Variants in LITAF observed in about 807,000 individuals in gnomAD.
The protein encoded by LITAF is lipopolysaccharide induced TNF factor, also known as lipopolysaccharide-induced tumor necrosis factor-alpha factor.
In LITAF, 9 loss-of-function variants were observed where a neutral mutation model predicts 14.5. That is an observed-to-expected ratio of 0.62 (90% CI 0.37 to 1.08). The LOEUF (loss-of-function observed/expected upper bound fraction) is 1.08, where lower values mean the gene tolerates loss of function less well. LITAF is among the 50% of genes least tolerant of loss of function. The pLI is 0.01. For synonymous variants in LITAF, 98 were observed against 88.2 expected (o/e 1.11, Z -0.62); for missense variants, 206 against 213.4 (o/e 0.97, Z 0.22).
upstream of LITAF, among the ~76,000 whole-genome samples, chr16:11,602,918 C>T (rs2064936295): frequency 6.6e-6 from 1 of 152,030 alleles, no homozygotes; most frequent in Non-Finnish European, 1.5e-5. Flanking sequence ...CCAGACCAGC[C>T]TGGGCAACCC....
upstream of LITAF, among the ~76,000 whole-genome samples, chr16:11,639,964 A>G (rs1422117957): frequency 3.3e-5 from 5 of 152,168 alleles, no homozygotes; most frequent in Non-Finnish European, 1.5e-5. Context: ...TCGCAGAGAC[A>G]TAGTTTCACT....
intron 1 of LITAF, among the ~76,000 whole-genome samples, chr16:11,581,266 C>T (rs1406991047): frequency 1.3e-5 from 2 of 152,212 alleles, no homozygotes; most frequent in East Asian, 3.8e-4. Context: ...TTCTCTCTCC[C>T]CTACATAGGC....
chr16:11,603,496 C>T (rs1370213349), upstream of LITAF, among the ~76,000 whole-genome samples: 3 of 152,198 alleles, frequency 2.0e-5, no homozygotes, highest in Admixed American at 6.5e-5. Flanking sequence ...GGAAACACGC[C>T]TTGAGATGTC....
upstream of LITAF, chr16:11,587,461 A>C (rs1246485016): frequency 2.2e-5 from 10 of 453,628 alleles, no homozygotes; most frequent in Non-Finnish European, 3.1e-5. Flanking sequence ...CATGTTACCC[A>C]TCCTCTCTGA....
intron 1 of LITAF, among the ~76,000 whole-genome samples, chr16:11,563,138 A>C (rs2064397536): frequency 7.1e-6 from 1 of 141,554 alleles, no homozygotes; most frequent in African/African-American, 2.5e-5. Context: ...CTACACAAAA[A>C]AATTATAATA....
chr16:11,602,012 G>C (rs8050288), upstream of LITAF, among the ~76,000 whole-genome samples: 4,877 of 152,240 alleles, frequency 0.032, 262 homozygotes, highest in African/African-American at 0.11. Context: ...CAATGCAAAT[G>C]ACTCCAGAAG....
chr16:11,581,018 T>C (rs2064724141), intron 1 of LITAF, among the ~76,000 whole-genome samples: 1 of 151,968 alleles, frequency 6.6e-6, no homozygotes, highest in South Asian at 2.1e-4. Flanking sequence ...TCCTGCCTTG[T>C]CCTCCCAGAG....
intron 1 of LITAF, among the ~76,000 whole-genome samples, chr16:11,596,754 AAGAAGGGAGAGG>A (rs1321363727): frequency 1.2e-5 from 1 of 85,942 alleles, no homozygotes; most frequent in Non-Finnish European, 2.2e-5. Flanking sequence ...GGAGGAAGAG[AAGAAGGGAGAGG>A]AGGAGGGGGA....
chr16:11,588,566 A>G (rs2064829735), upstream of LITAF, among the ~76,000 whole-genome samples: 1 of 143,056 alleles, frequency 7.0e-6, no homozygotes, highest in East Asian at 2.1e-4. Flanking sequence ...AAAGAAAGAA[A>G]GGGAAAAGAA....
At chr16:11,609,209 C>CTTT (rs1233293198) in intron 3 of LITAF, among the ~76,000 whole-genome samples, 1 of 139,236 alleles carries the variant, frequency 7.2e-6, no homozygotes, top group Non-Finnish European at 1.6e-5. Context: ...GAATAGTAGA[C>CTTT]TTTTTTTTTT....
At chr16:11,571,719 G>C (rs2064543798) in intron 1 of LITAF, among the ~76,000 whole-genome samples, 1 of 152,162 alleles carries the variant, frequency 6.6e-6, no homozygotes, top group Non-Finnish European at 1.5e-5. Context: ...TGGGCCCTGT[G>C]GTCTCTGGGA....
chr16:11,572,799 A>G (rs1029557861), intron 1 of LITAF, among the ~76,000 whole-genome samples: 5 of 152,184 alleles, frequency 3.3e-5, no homozygotes, highest in Non-Finnish European at 7.3e-5. Flanking sequence ...TAAAGCCTGG[A>G]GTTTGGTAAA....
chr16:11,617,637 G>A (rs1241996743), intron 3 of LITAF, among the ~76,000 whole-genome samples: 1 of 151,678 alleles, frequency 6.6e-6, no homozygotes, highest in Non-Finnish European at 1.5e-5. Flanking sequence ...ATATTGGCCA[G>A]ACTGGTCTCG....
Position 11,626,967 on chromosome 16 carries a change from C to T in LITAF, c.85+6566G>A, listed in dbSNP as rs1262048540. Among the ~76,000 whole-genome samples, 7 of 151,996 alleles carry T rather than the reference C, an allele frequency of 4.6e-5. No homozygotes were observed. The East Asian group carries it at 1.4e-3, about 29-fold the overall frequency. The stretch of plus-strand genomic sequence containing the variant: ...AGGTGATCCTCCCACCGCAGCCTCC[C>T]AAGTGGCTGAGACTACAGGCACGCA... On this transcript the variant is annotated intron_variant, in intron 3 of 3. Coordinates refer to the LITAF transcript ENST00000574848.
Position 11,634,528 on chromosome 16 carries a change from C to T in LITAF, c.-20-891G>A, listed in dbSNP as rs1327170642. 1.3e-5 allele frequency among the ~76,000 whole-genome samples: 2 copies of T among 152,182 alleles called. No homozygotes were observed. The highest frequency in any genetic ancestry group is 4.8e-5 in the African/African-American group (2 of 41,454). ...CCTATTGCCCCTGCAGATAACATCA[C>T]TATTGTAGAATCTAAGATCGGCCTT... On this transcript the variant is annotated intron_variant, in intron 2 of 3. Transcript: ENST00000574848. This position sits in a 1 kb window ranked among gnomAD's most constrained non-coding sequence, Gnocchi z 4.1.
intron 3 of LITAF, among the ~76,000 whole-genome samples, chr16:11,604,544 C>T (rs1471819197): frequency 2.0e-5 from 3 of 149,510 alleles, no homozygotes; most frequent in Admixed American, 6.7e-5. Flanking sequence ...TGATGGCTCA[C>T]GCTTGTAATC....
intron 1 of LITAF, among the ~76,000 whole-genome samples, chr16:11,584,568 C>G (rs1046049059): frequency 2.6e-5 from 4 of 152,212 alleles, no homozygotes; most frequent in African/African-American, 7.2e-5. Context: ...TACTGAGACC[C>G]TCCTGTTTGT....
At chr16:11,626,603 G>A (rs1043021282) in intron 3 of LITAF, among the ~76,000 whole-genome samples, 4 of 152,286 alleles carry the variant, frequency 2.6e-5, no homozygotes, top group South Asian at 2.1e-4. Context: ...CTCCCAAAGT[G>A]CTGGGATTAC....
At position 11,553,717 on chromosome 16, in the gene LITAF, G is replaced by C; in HGVS notation, c.221-28C>G. 1 of 1,613,668 alleles carries C rather than the reference G, an allele frequency of 6.2e-7. No individual in the cohort carries two copies. The highest frequency in any genetic ancestry group is 8.5e-7 in the Non-Finnish European group (1 of 1,179,822). Reference sequence around the variant, plus strand: ...GATGAAAGGGAGAGGGACAAACACAGGTTGCTCAGGAAACAAGGCCAATAG... The same window carrying C: ...GATGAAAGGGAGAGGGACAAACACACGTTGCTCAGGAAACAAGGCCAATAG... On this transcript the variant is annotated intron_variant, in intron 2 of 3. Transcript: ENST00000622633. The surrounding 1 kb of genome is among the most constrained non-coding windows in gnomAD (Gnocchi z 7.7).
Sources: gnomAD v4.1 joint callset for allele counts (sites outside exome capture counted in the v4.1 genomes callset) on GRCh38, gnomAD v4.1.1 for gene constraint, Gnocchi (gnomAD v3.1) non-coding constraint, MANE v1.5 for transcripts, NCBI Gene and HGNC (gene_info 2026-07-23, HGNC 2026-07-21) for gene names.